The following POM121C variants were observed in gnomAD, a reference collection of about 807,000 sequenced individuals.
POM121C encodes POM121 transmembrane nucleoporin C, also known as nuclear envelope pore membrane protein POM 121C.
In POM121C, 20 loss-of-function variants were observed where a neutral mutation model predicts 66.4. The observed-to-expected ratio is 0.30, with a 90% CI of 0.21 to 0.44. The LOEUF is 0.44. Ranked by LOEUF, POM121C falls within the 20% of genes least tolerant of loss-of-function variation. The pLI, the probability that POM121C is intolerant of heterozygous loss-of-function variation, is 1.00. For missense variants in POM121C, 580 were observed against 1,225.7 expected (o/e 0.47, Z 7.87); for synonymous variants, 286 against 528.0 (o/e 0.54, Z 6.28).
At chr7:75,438,355 T>G (rs770862879) in intron 6 of POM121C, among the ~76,000 whole-genome samples, 29 of 152,222 alleles carry the variant, frequency 1.9e-4, no homozygotes, top group Non-Finnish European at 3.8e-4. Context: ...GTTATTTCGC[T>G]TCTTTCAAGG....
At chr7:75,460,399 G>A (rs1387817448) in intron 3 of POM121C, among the ~76,000 whole-genome samples, 1 of 151,990 alleles carries the variant, frequency 6.6e-6, no homozygotes, top group African/African-American at 2.4e-5. Flanking sequence ...CTACTCGGGA[G>A]GCTGAGGTGA....
intron 7 of POM121C, among the ~76,000 whole-genome samples, chr7:75,431,348 A>G (rs1790169024): frequency 1.3e-5 from 2 of 152,236 alleles, no homozygotes; most frequent in Non-Finnish European, 2.9e-5. Context: ...TCACGCCTGT[A>G]ATCCCAGCAC....
chr7:75,447,902 T>C (rs1194838588), intron 3 of POM121C, among the ~76,000 whole-genome samples: 2 of 151,648 alleles, frequency 1.3e-5, no homozygotes, highest in Non-Finnish European at 2.9e-5. Context: ...CAGGCGCCTG[T>C]AGTCCCAGCT....
chr7:75,475,127 T>A lies in POM121C; in HGVS notation c.-396A>T. 1.9e-6 allele frequency: 3 copies of A among 1,556,554 alleles called. No homozygotes were observed. Among genetic ancestry groups the A allele is most frequent in the Non-Finnish European group, 2.7e-6 (3 of 1,130,864 alleles). ...CCCGTATGTTATCTTCTCATCAGGG[T>A]CCAGTTGCCGCCACTCCTCCTGGGT... On this transcript the variant is annotated 5_prime_UTR_variant, in exon 2 of 15. Transcript: ENST00000615331.
intron 1 of POM121C, among the ~76,000 whole-genome samples, chr7:75,482,028 A>G (rs1792327619): frequency 6.6e-6 from 1 of 151,936 alleles, no homozygotes; most frequent in Non-Finnish European, 1.5e-5. Flanking sequence ...AGTTGTGTGA[A>G]AAGAACTGAA....
rs34484961 is a variant in POM121C at position 75,434,582 on chromosome 7, CTTTTTTTT to C, written c.480+2925_480+2932del. Among the ~76,000 whole-genome samples the C allele has an allele frequency of 3.0e-5, 3 of 99,006 alleles. No homozygotes were observed. The South Asian group carries it at 1.0e-3, about 34-fold the overall frequency. 65.0% of individuals were successfully genotyped at this position (99,006 alleles called of 152,430 possible). On this transcript the variant is annotated intron_variant, in intron 7 of 14. Coordinates refer to ENST00000615331, the MANE Select transcript of POM121C (RefSeq NM_001099415.3). The stretch of plus-strand genomic sequence containing the variant: ...GTGAGCCACGGTGGCGCTCAGCTAG[CTTTTTTTT>C]TTTTTTTTTTGAGACAGAGTCTCAC...
chr7:75,434,479 G>A (rs1424611868), intron 7 of POM121C, among the ~76,000 whole-genome samples: 1 of 151,722 alleles, frequency 6.6e-6, no homozygotes, highest in Non-Finnish European at 1.5e-5. Context: ...GTTTTGCCAT[G>A]TTGGTCAGGC....
At chr7:75,460,482 G>GT (rs1314422267) in intron 3 of POM121C, among the ~76,000 whole-genome samples, 1 of 151,826 alleles carries the variant, frequency 6.6e-6, no homozygotes, top group Non-Finnish European at 1.5e-5. Context: ...AGCCAACAGA[G>GT]TAAGACTCTG....
At chr7:75,423,302 G>A in intron 12 of POM121C, 99 bp from the exon 13 acceptor site, 6 of 1,468,894 alleles carry the variant, frequency 4.1e-6, no homozygotes, top group Non-Finnish European at 5.5e-6. Flanking sequence ...CAGAGCCTGG[G>A]ATCCAAGAGT....
chr7:75,454,743 T>G (rs1554476125), intron 3 of POM121C, among the ~76,000 whole-genome samples: 1 of 152,258 alleles, frequency 6.6e-6, no homozygotes, highest in Non-Finnish European at 1.5e-5. Context: ...GCCCATGACT[T>G]TCTCTGCTGA....
chr7:75,450,245 T>C (rs1790976634), intron 3 of POM121C, among the ~76,000 whole-genome samples: 1 of 148,056 alleles, frequency 6.8e-6, no homozygotes, highest in Non-Finnish European at 1.5e-5. Flanking sequence ...AGCAAACTAA[T>C]AGAGACTTCC....
At chr7:75,471,268 G>A (rs1554478612) in intron 3 of POM121C, among the ~76,000 whole-genome samples, 1 of 152,116 alleles carries the variant, frequency 6.6e-6, no homozygotes, top group Non-Finnish European at 1.5e-5. Context: ...GAGTATAGTG[G>A]CGCGATCTCA....
rs372806605 is a variant in POM121C at position 75,480,742 on chromosome 7, G to A, written c.-458+5122C>T. Among the ~76,000 whole-genome samples, 57 of 152,128 alleles carry A rather than the reference G, an allele frequency of 3.7e-4. 1 individual carries two copies. The East Asian group carries it at 4.0e-3, about 11-fold the overall frequency. On this transcript the variant is annotated intron_variant, in intron 1 of 14. Coordinates refer to ENST00000615331, the MANE Select transcript of POM121C (RefSeq NM_001099415.3). ...TATAATGGCACTGTGGAACAAATCCGTATTAAACAGACTTAAAAAGCATGA... is the reference window on the plus strand; with the variant it reads ...TATAATGGCACTGTGGAACAAATCCATATTAAACAGACTTAAAAAGCATGA...
chr7:75,423,822 G>A (rs1430055762), intron 12 of POM121C, among the ~76,000 whole-genome samples: 1 of 152,080 alleles, frequency 6.6e-6, no homozygotes, highest in Non-Finnish European at 1.5e-5. Flanking sequence ...CGAGGCTCAG[G>A]GCAGCTAAGC....
At chr7:75,471,663 C>T (rs587623234) in intron 3 of POM121C, among the ~76,000 whole-genome samples, 1 of 152,118 alleles carries the variant, frequency 6.6e-6, no homozygotes, top group Non-Finnish European at 1.5e-5. Flanking sequence ...GAGTGGGATC[C>T]TGGGACCCAA....
intron 3 of POM121C, among the ~76,000 whole-genome samples, chr7:75,472,811 TGGAA>T (rs781841520): frequency 1.6e-5 from 2 of 126,314 alleles, no homozygotes; most frequent in East Asian, 2.2e-4. Flanking sequence ...TATCTCAAAA[TGGAA>T]GGAAGGAAGG....
rs190924675 is a variant in POM121C, at chr7:75,486,258, G to C, written c.-852C>G. On this transcript the variant is annotated 5_prime_UTR_variant, in exon 1 of 15. Coordinates refer to ENST00000615331, the MANE Select transcript of POM121C (RefSeq NM_001099415.3). ...ACTAGAAGCCAAAGCCTGGGAACGAGAGCAAGCGATGACCTGAAGAGGCAC... is the reference window on the plus strand; with the variant it reads ...ACTAGAAGCCAAAGCCTGGGAACGACAGCAAGCGATGACCTGAAGAGGCAC... 3,350 of 276,594 alleles carry C rather than the reference G, an allele frequency of 0.012. 25 individuals carry two copies. Among genetic ancestry groups the C allele is most frequent in the Non-Finnish European group, 0.016 (2,302 of 142,226 alleles). 17.1% of individuals were successfully genotyped at this position (276,594 alleles called of 1,614,324 possible). A position where few individuals can be genotyped will look rare whatever the true frequency, so the allele number is the denominator to read the frequency against.
At chr7:75,429,335 A>C (rs587606789) in intron 7 of POM121C, among the ~76,000 whole-genome samples, 1 of 152,352 alleles carries the variant, frequency 6.6e-6, no homozygotes, top group East Asian at 1.9e-4. Context: ...AATAGCATCA[A>C]AACCATATAC....
intron 1 of POM121C, among the ~76,000 whole-genome samples, chr7:75,476,398 A>C (rs1318171323): frequency 6.6e-6 from 1 of 152,192 alleles, no homozygotes; most frequent in Non-Finnish European, 1.5e-5. Context: ...TGCCCTGCCC[A>C]AACTTGCAGT....
Sources: allele counts gnomAD v4.1 joint callset (sites outside exome capture counted in the v4.1 genomes callset), GRCh38; gene constraint gnomAD v4.1.1; transcripts MANE v1.5; gene names NCBI Gene and HGNC (gene_info 2026-07-23, HGNC 2026-07-21).